VPS13B: variants seen among roughly 807,000 people sequenced by gnomAD.
VPS13B encodes the protein vacuolar protein sorting 13 homolog B.
A neutral mutation model predicts 426.4 loss-of-function variants in VPS13B; 285 were observed. That is an observed-to-expected ratio of 0.67 (90% CI 0.61 to 0.74). VPS13B has a LOEUF of 0.74. VPS13B is among the 30% of genes least tolerant of loss of function. VPS13B has a pLI of 0.00. For missense variants in VPS13B, 4,537 were observed against 4,782.6 expected (o/e 0.95, Z 1.51); for synonymous variants, 1,676 against 1,676.4 (o/e 1.00, Z 0.01).
At chr8:99,664,811 A>T (rs1219591176) in intron 35 of VPS13B, among the ~76,000 whole-genome samples, 1 of 152,342 alleles carries the variant, frequency 6.6e-6, no homozygotes, top group African/African-American at 2.4e-5. Flanking sequence ...AGCATGATTT[A>T]TAATCCTTTG....
intron 56 of VPS13B, among the ~76,000 whole-genome samples, chr8:99,857,337 A>C (rs963802440): frequency 6.6e-6 from 1 of 151,858 alleles, no homozygotes; most frequent in African/African-American, 2.4e-5. Context: ...CATAGCTGCT[A>C]CTCCTTTCTT....
chr8:99,442,470 G>A lies in VPS13B; in HGVS notation c.3280G>A (p.Gly1094Ser). ...GCCTTCCCCAAGTACAATTGTATCT[G>A]GTGACATTCCTGGAACAGTAAGAAG... Reference protein sequence around the residue: ...SLPSPSTIVSGDIPGTVRSWY... With the variant: ...SLPSPSTIVSSDIPGTVRSWY... Residue 1094 changes from glycine to serine, a missense_variant, in exon 23 of 62, where the codon GGT becomes AGT. Physicochemically the swap from Gly to Ser is moderately conservative, Grantham distance 56 (BLOSUM62 0). This residue lies in a region of VPS13B where 4,311 missense variants were observed against 4,474.3 expected (regional missense o/e 0.96). Transcript: ENST00000357162. 6.2e-7 allele frequency: 1 copy of A among 1,613,932 alleles called. No individual in the cohort carries two copies. Among genetic ancestry groups the A allele is most frequent in the Middle Eastern group, 1.6e-4 (1 of 6,062 alleles).
chr8:99,340,476 G>T, intron 19 of VPS13B: 1 of 489,234 alleles, frequency 2.0e-6, no homozygotes, highest in Non-Finnish European at 4.1e-6. Flanking sequence ...TGTTTCCAAG[G>T]ATTTCTGGAA....
intron 35 of VPS13B, among the ~76,000 whole-genome samples, chr8:99,675,313 G>A (rs185867179): frequency 6.6e-6 from 1 of 152,254 alleles, no homozygotes; most frequent in East Asian, 1.9e-4. Context: ...GAAGTGTGCT[G>A]CTCAGTGTAT....
intron 21 of VPS13B, among the ~76,000 whole-genome samples, chr8:99,398,267 A>C (rs1157608864): frequency 6.6e-6 from 1 of 152,070 alleles, no homozygotes; most frequent in East Asian, 1.9e-4. Flanking sequence ...ATTCAAAGGA[A>C]CTCTTTAATG....
intron 29 of VPS13B, among the ~76,000 whole-genome samples, chr8:99,519,696 G>A (rs11989649): frequency 0.052 from 7,748 of 150,194 alleles, 214 homozygotes; most frequent in African/African-American, 0.073. Flanking sequence ...GCAAACTATC[G>A]CAAGACAAAA....
chr8:99,557,175 G>A (rs540130881), intron 31 of VPS13B, among the ~76,000 whole-genome samples: 54 of 151,798 alleles, frequency 3.6e-4, no homozygotes, highest in Non-Finnish European at 4.9e-4. Context: ...TTGGGTACAG[G>A]TAGTTTTGGG....
intron 59 of VPS13B, among the ~76,000 whole-genome samples, chr8:99,870,155 G>C (rs545438454): frequency 8.5e-5 from 13 of 152,178 alleles, no homozygotes; most frequent in Non-Finnish European, 1.9e-4. Context: ...GAAGTATTAA[G>C]GAAGTTAACT....
At chr8:99,437,509 G>C (rs193179101) in intron 22 of VPS13B, among the ~76,000 whole-genome samples, 73 of 151,998 alleles carry the variant, frequency 4.8e-4, no homozygotes, top group African/African-American at 1.7e-3. Context: ...CTTGAGGTTA[G>C]GAGTTCAAGA....
At chr8:99,148,393 A>G (rs896495117) in intron 14 of VPS13B, among the ~76,000 whole-genome samples, 1 of 147,706 alleles carries the variant, frequency 6.8e-6, no homozygotes, top group Non-Finnish European at 1.5e-5. Context: ...AGATAAAAGT[A>G]TCTGCTTATA....
At chr8:99,750,308 T>A (rs1194407184) in intron 39 of VPS13B, among the ~76,000 whole-genome samples, 1 of 152,090 alleles carries the variant, frequency 6.6e-6, no homozygotes, top group Non-Finnish European at 1.5e-5. Context: ...TCCCCTGATG[T>A]CCCCTGTCTC....
chr8:99,163,642 G>C (rs1409406408), intron 15 of VPS13B, among the ~76,000 whole-genome samples: 17 of 152,232 alleles, frequency 1.1e-4, no homozygotes, highest in Non-Finnish European at 1.6e-4. Context: ...ACTGGCCGGG[G>C]TGCTAAGTCC....
chr8:99,554,478 G>A (rs556379070), intron 30 of VPS13B, among the ~76,000 whole-genome samples: 4 of 152,102 alleles, frequency 2.6e-5, no homozygotes, highest in South Asian at 2.1e-4. Flanking sequence ...TAGGTTCTCC[G>A]CCTGAGATTT....
At chr8:99,246,242 C>A (rs1817211247) in intron 17 of VPS13B, among the ~76,000 whole-genome samples, 1 of 152,194 alleles carries the variant, frequency 6.6e-6, no homozygotes, top group African/African-American at 2.4e-5. Context: ...GACCTTCAGG[C>A]CCTACACCAT....
intron 19 of VPS13B, among the ~76,000 whole-genome samples, chr8:99,305,851 A>G (rs1820609300): frequency 6.6e-6 from 1 of 151,912 alleles, no homozygotes; most frequent in Non-Finnish European, 1.5e-5. Context: ...GACATTAGCC[A>G]CTCTGCTAGT....
chr8:99,138,357 T>C (rs1810198318), intron 12 of VPS13B, among the ~76,000 whole-genome samples: 1 of 152,154 alleles, frequency 6.6e-6, no homozygotes, highest in East Asian at 1.9e-4. Flanking sequence ...GAACTCCTAA[T>C]CTCAAGTGAT....
At chr8:99,129,622 A>G (rs1809647729) in intron 8 of VPS13B, among the ~76,000 whole-genome samples, 1 of 151,548 alleles carries the variant, frequency 6.6e-6, no homozygotes, top group Admixed American at 6.6e-5. Flanking sequence ...AAAAAAAGAT[A>G]TATTGTCAGT....
intron 17 of VPS13B, among the ~76,000 whole-genome samples, chr8:99,229,993 G>A (rs1816236189): frequency 6.6e-6 from 1 of 152,130 alleles, no homozygotes; most frequent in African/African-American, 2.4e-5. Context: ...ACCAGTAATT[G>A]TGTAACATCT....
chr8:99,364,842 A>G (rs1812763007), intron 19 of VPS13B, among the ~76,000 whole-genome samples: 1 of 152,086 alleles, frequency 6.6e-6, no homozygotes, highest in Non-Finnish European at 1.5e-5. Flanking sequence ...AAATAGTTTG[A>G]GTAGGATTGG....
Sources: allele counts gnomAD v4.1 joint callset (sites outside exome capture counted in the v4.1 genomes callset), GRCh38; gene constraint gnomAD v4.1.1; regional missense constraint gnomAD v4.1.1; transcripts MANE v1.5; gene names NCBI Gene and HGNC (gene_info 2026-07-23, HGNC 2026-07-21).